ATG4B: variants seen among roughly 807,000 people sequenced by gnomAD.
ATG4B encodes cysteine protease ATG4B.
Under a neutral mutation model 56.6 loss-of-function variants are expected in ATG4B, and 29 were observed. The observed-to-expected ratio is 0.51, with a 90% CI of 0.38 to 0.70. ATG4B has a LOEUF of 0.70. Among genes scored for constraint, ATG4B ranks in the 30% least tolerant of loss-of-function variants. ATG4B has a pLI of 0.00. For synonymous variants in ATG4B, 224 were observed against 206.1 expected, an observed-to-expected ratio of 1.09 and a Z score of -0.74; for missense variants, 461 against 515.5, an observed-to-expected ratio of 0.89 and a Z score of 1.02.
Position 241,662,007 on chromosome 2 carries a change from TA to T in ATG4B, c.538+2821del, listed in dbSNP as rs1170935453. On this transcript the variant is annotated intron_variant, in intron 7 of 12. Transcript: ENST00000404914. ...AACAGAGTGGGGAGGAGAATCACAA[TA>T]GCTGGAACTCAACTCTCTGAGAGGC... 2.0e-5 allele frequency among the ~76,000 whole-genome samples: 3 copies of T among 152,234 alleles called. No individual in the cohort carries two copies. In the East Asian group the frequency reaches 5.8e-4, roughly 29 times the overall value.
At chr2:241,671,933 C>T (rs542424177) in intron 12 of ATG4B, 20 of 1,380,682 alleles carry the variant, frequency 1.4e-5, no homozygotes, top group South Asian at 8.2e-5. Flanking sequence ...GGGTCAGACG[C>T]GGGACAGAGG....
At chr2:241,652,187 T>C (rs1003429770) in intron 3 of ATG4B, among the ~76,000 whole-genome samples, 1 of 152,252 alleles carries the variant, frequency 6.6e-6, no homozygotes, top group East Asian at 1.9e-4. Flanking sequence ...CCTGGGAATA[T>C]TGATATGTAA....
At position 241,654,609 on chromosome 2, in the gene ATG4B, T is replaced by C. The variant is rs755823388; in HGVS notation, c.347T>C (p.Ile116Thr). ...TACTTCAGCGTCCTCAACGCATTCA[T>C]CGACAGGAAGGACAGTTACTACTCC... ...DSYFSVLNAFIDRKDSYYSIH... is the reference protein window; with the variant it reads ...DSYFSVLNAFTDRKDSYYSIH... The change falls in exon 5 of 13, where the codon ATC becomes ACC. Residue 116 changes from isoleucine (I) to threonine (T), a missense_variant. Coordinates refer to ENST00000404914, the MANE Select transcript of ATG4B (RefSeq NM_013325.5). The C allele has an allele frequency of 3.1e-6, 5 of 1,603,416 alleles. No homozygotes were observed. The South Asian group carries it at 5.6e-5, about 18-fold the overall frequency.
At position 241,671,184 on chromosome 2, in the gene ATG4B, C is replaced by A. The variant is rs2068956861; in HGVS notation, c.1015-128C>A. 4 of 799,812 alleles carry A rather than the reference C, an allele frequency of 5.0e-6. No individual in the cohort carries two copies. In the South Asian group the frequency reaches 6.7e-5, roughly 13 times the overall value. 49.5% of individuals were successfully genotyped at this position (799,812 alleles called of 1,614,324 possible). ...TCGTGTAGCCTTTAGTGTGGAGCTG[C>A]CTCTGTTTTCTCATCAGTGAGATGG... On this transcript the variant is annotated intron_variant, in intron 11 of 12. Transcript: ENST00000404914.
intron 3 of ATG4B, chr2:241,653,174 T>G: frequency 4.9e-6 from 3 of 607,942 alleles, no homozygotes; most frequent in Non-Finnish European, 3.0e-6. Context: ...GCCTTTCTGA[T>G]AATTGGAAAA....
At chr2:241,663,991 G>A (rs950253339) in intron 7 of ATG4B, among the ~76,000 whole-genome samples, 4 of 151,986 alleles carry the variant, frequency 2.6e-5, no homozygotes, top group African/African-American at 9.7e-5. Flanking sequence ...TTGTATTTTA[G>A]TGGAGATGGG....
intron 7 of ATG4B, among the ~76,000 whole-genome samples, chr2:241,665,134 A>G (rs779610999): frequency 3.3e-5 from 5 of 152,200 alleles, no homozygotes; most frequent in Non-Finnish European, 5.9e-5. Context: ...AGAAATTTAA[A>G]AAGTTCTGTC....
In ATG4B at chr2:241,668,602, T is replaced by A; in HGVS notation, c.874T>A (p.Cys292Ser). 1 of 1,602,682 alleles carries A rather than the reference T, an allele frequency of 6.2e-7. No homozygotes were observed. Among genetic ancestry groups the A allele is most frequent in the Non-Finnish European group, 8.5e-7 (1 of 1,175,672 alleles). ...GCCAGCCGTGGAGCCCACTGATGGC[T>A]GCTTCATCCCGGACGAGAGCTTCCA... is the stretch of plus-strand genomic sequence containing the variant. ...TQPAVEPTDGCFIPDESFHCQ... is the reference protein window; with the variant it reads ...TQPAVEPTDGSFIPDESFHCQ... Residue 292 changes from cysteine (C) to serine (S), a missense_variant, in exon 10 of 13, where the codon TGC becomes AGC. Transcript: ENST00000404914. This position sits in a 1 kb window ranked among gnomAD's most constrained non-coding sequence, Gnocchi z 4.2.
At chr2:241,640,685 G>A (rs1034729070) in intron 1 of ATG4B, among the ~76,000 whole-genome samples, 1 of 152,176 alleles carries the variant, frequency 6.6e-6, no homozygotes, top group South Asian at 2.1e-4. Flanking sequence ...TAGCCAGGAT[G>A]GCCAGGAAGG....
chr2:241,651,054 T>C lies in ATG4B; in HGVS notation c.55T>C (p.Phe19Leu). ...TCTCCGGTTTGCTGAGTTTGAAGAT[T>C]TTCCTGAGACCTCAGAGCCCGTTTG... ...DTLRFAEFED[F>L]PETSEPVWIL... Residue 19 changes from phenylalanine (F) to leucine (L), a missense_variant, in exon 2 of 13, where the codon TTT becomes CTT. Transcript: ENST00000404914. The surrounding 1 kb of genome is among the most constrained non-coding windows in gnomAD (Gnocchi z 4.1). The C allele has an allele frequency of 6.2e-7, 1 of 1,613,932 alleles. No individual in the cohort carries two copies. Among genetic ancestry groups the C allele is most frequent in the Non-Finnish European group, 8.5e-7 (1 of 1,179,872 alleles).
chr2:241,649,444 G>A (rs1411966660), intron 1 of ATG4B, among the ~76,000 whole-genome samples: 1 of 152,182 alleles, frequency 6.6e-6, no homozygotes, highest in Non-Finnish European at 1.5e-5. Flanking sequence ...TTTAGATGTG[G>A]GAGAAATTCA....
intron 8 of ATG4B, among the ~76,000 whole-genome samples, chr2:241,667,324 G>A (rs1575088737): frequency 6.6e-6 from 1 of 152,126 alleles, no homozygotes; most frequent in African/African-American, 2.4e-5. Flanking sequence ...AGCAAAAGGG[G>A]GCGGGGAGCG....
rs192994562 is a variant in ATG4B at position 241,671,516 on chromosome 2, C to T, written c.1108+111C>T. ...CATTAAGGTGTGTGTGAGCCTGAGCCGTGAGCACTTGGCAGTGGTTCGCCT... is the reference window on the plus strand; with the variant it reads ...CATTAAGGTGTGTGTGAGCCTGAGCTGTGAGCACTTGGCAGTGGTTCGCCT... On this transcript the variant is annotated intron_variant, in intron 12 of 12. Transcript: ENST00000404914. 2.5e-5 allele frequency: 38 copies of T among 1,549,424 alleles called. No homozygotes were observed. The South Asian group carries it at 2.5e-4, about 10-fold the overall frequency.
At chr2:241,663,054 C>T (rs3935809) in intron 7 of ATG4B, among the ~76,000 whole-genome samples, 24,076 of 151,904 alleles carry the variant, frequency 0.16, 2,066 homozygotes, top group East Asian at 0.34. Flanking sequence ...TGGTCAACAT[C>T]GTAAAACCCC....
At chr2:241,652,152 T>A in intron 3 of ATG4B, 1 of 344,134 alleles carries the variant, frequency 2.9e-6, no homozygotes, top group Middle Eastern at 1.1e-3. Flanking sequence ...GGTTGATATT[T>A]AATGATACAC....
chr2:241,653,689 A>G, intron 4 of ATG4B, 79 bp downstream of exon 4: 1 of 1,279,952 alleles, frequency 7.8e-7, no homozygotes, highest in Non-Finnish European at 1.1e-6. Context: ...AGGGCTCTTT[A>G]GAGCAGACCA....
chr2:241,666,868 A>AGTCCCC (rs2068794236), intron 8 of ATG4B, 30 bp downstream of exon 8: 1 of 1,536,216 alleles, frequency 6.5e-7, no homozygotes, highest in African/African-American at 1.4e-5. Context: ...GCTTGCCCTG[A>AGTCCCC]GTCCCCGTCC....
Position 241,672,302 on chromosome 2 carries a change from G to GGGCT in ATG4B, c.*39_*42dup. On this transcript the variant is annotated 3_prime_UTR_variant, in exon 13 of 13. Coordinates refer to ENST00000404914, the MANE Select transcript of ATG4B (RefSeq NM_013325.5). ...CGGGGGTGGCACCTGTGAGAGCCTG[G>GGGCT]GGCTCCTGGTGCCGCTGCGTTTCAT... 1 of 1,516,086 alleles carries GGGCT rather than the reference G, an allele frequency of 6.6e-7. No individual in the cohort carries two copies. The highest frequency in any genetic ancestry group is 9.0e-7 in the Non-Finnish European group (1 of 1,113,882). The allele number at this position is 1,516,086 out of a possible 1,614,324, so 93.9% of individuals were successfully genotyped here.
At position 241,673,847 on chromosome 2, in the gene ATG4B, T is replaced by C. The variant is rs2069057117; in HGVS notation, c.*1583T>C. ...CTTAATGGCAAATAATAAGTTTCAG[T>C]AGAAAACAAACCTTGTGTCTATTTT... On this transcript the variant is annotated 3_prime_UTR_variant, in exon 13 of 13. Coordinates refer to ENST00000404914, the MANE Select transcript of ATG4B (RefSeq NM_013325.5). 2.4e-6 allele frequency: 1 copy of C among 418,018 alleles called. No individual in the cohort carries two copies. Among genetic ancestry groups the C allele is most frequent in the Non-Finnish European group, 4.9e-6 (1 of 205,352 alleles). 25.9% of individuals were successfully genotyped at this position (418,018 alleles called of 1,614,324 possible).
Sources: allele counts gnomAD v4.1 joint callset (sites outside exome capture counted in the v4.1 genomes callset), GRCh38; gene constraint gnomAD v4.1.1; non-coding constraint Gnocchi (gnomAD v3.1); transcripts MANE v1.5; gene names NCBI Gene and HGNC (gene_info 2026-07-23, HGNC 2026-07-21).